The following TWNK variants were observed in gnomAD, a reference collection of about 807,000 sequenced individuals.
The protein encoded by TWNK is twinkle mtDNA helicase.
TWNK carries 36 observed loss-of-function variants against 58.2 expected under a neutral mutation model. The ratio of observed to expected loss-of-function variants is 0.62; its 90% CI spans 0.47 to 0.82. The LOEUF (loss-of-function observed/expected upper bound fraction) is 0.82. Among genes scored for constraint, TWNK ranks in the 40% least tolerant of loss-of-function variants. TWNK has a pLI of 0.00. For missense variants in TWNK, 714 were observed against 881.0 expected (o/e 0.81, Z 2.40); for synonymous variants, 349 against 348.5 (o/e 1.00, Z -0.02).
At position 100,987,564 on chromosome 10, in the gene TWNK, A is replaced by G. The variant is rs1160053758; in HGVS notation, c.-647A>G. Reference sequence around the variant, plus strand: ...TTTTGCTTCCGAGGTCAAGGCGAGTAGCATGTGCGGGAGACTCACGTTGCC... The same window carrying G: ...TTTTGCTTCCGAGGTCAAGGCGAGTGGCATGTGCGGGAGACTCACGTTGCC... On this transcript the variant is annotated 5_prime_UTR_variant, in exon 1 of 5. Transcript: ENST00000311916. 6 of 1,416,556 alleles carry G rather than the reference A, an allele frequency of 4.2e-6. No homozygotes were observed. The highest frequency in any genetic ancestry group is 5.6e-6 in the Non-Finnish European group (6 of 1,067,158). 87.7% of individuals were successfully genotyped at this position (1,416,556 alleles called of 1,614,324 possible).
Position 100,988,260 on chromosome 10 carries a change from T to C in TWNK, c.50T>C (p.Leu17Pro), listed in dbSNP as rs761301681. 4 of 1,614,104 alleles carry C rather than the reference T, an allele frequency of 2.5e-6. No individual in the cohort carries two copies. Among genetic ancestry groups the C allele is most frequent in the Non-Finnish European group, 3.4e-6 (4 of 1,180,028 alleles). The change falls in exon 1 of 5, where the codon CTG becomes CCG. Residue 17 changes from leucine to proline, a missense_variant. Coordinates refer to ENST00000311916, the MANE Select transcript of TWNK (RefSeq NM_021830.5). The surrounding 1 kb of genome is among the most constrained non-coding windows in gnomAD (Gnocchi z 5.2). ...TACCCCCTCCGTATCTTGTTACCCCTGCGTGGGGAGTGGATGGGTCGGAGG... is the reference window on the plus strand; with the variant it reads ...TACCCCCTCCGTATCTTGTTACCCCCGCGTGGGGAGTGGATGGGTCGGAGG... Reference protein sequence around the residue: ...SGYPLRILLPLRGEWMGRRGL... With the variant: ...SGYPLRILLPPRGEWMGRRGL...
chr10:100,991,371 T>C (rs889273595), intron 4 of TWNK: 1 of 357,006 alleles, frequency 2.8e-6, no homozygotes, highest in African/African-American at 2.1e-5. Flanking sequence ...ACAACAAAGG[T>C]TGGGTTGAGG....
chr10:100,993,162 T>G, intron 4 of TWNK, 28 bp from the exon 5 acceptor site: 1 of 1,612,848 alleles, frequency 6.2e-7, no homozygotes, highest in Non-Finnish European at 8.5e-7. Context: ...TTACTCCTGC[T>G]TTCCTCCTTC....
Position 100,987,638 on chromosome 10 carries a change from C to T in TWNK, c.-573C>T, listed in dbSNP as rs554059745. On this transcript the variant is annotated 5_prime_UTR_variant, in exon 1 of 5. Transcript: ENST00000311916. ...GGTAACCTGGGGCTGGGGGCCGGCG[C>T]GGCGGAGCTCGGAGTAGTAGAGCGG... 4.2e-6 allele frequency: 3 copies of T among 722,048 alleles called. No individual in the cohort carries two copies. The highest frequency in any genetic ancestry group is 2.9e-5 in the Admixed American group (1 of 34,240). 44.7% of individuals were successfully genotyped at this position (722,048 alleles called of 1,614,324 possible). A position where few individuals can be genotyped will look rare whatever the true frequency, so the allele number is the denominator to read the frequency against.
At chr10:100,992,418 TG>T (rs1160957308) in intron 4 of TWNK, among the ~76,000 whole-genome samples, 3 of 148,746 alleles carry the variant, frequency 2.0e-5, no homozygotes, top group African/African-American at 4.9e-5. Flanking sequence ...AGTTTCACCG[TG>T]TTAGCCAGGA....
chr10:100,988,240 C>G lies in TWNK; in HGVS notation c.30C>G (p.Pro10=), dbSNP rs759909116. MWVLLRSGY[P]LRILLPLRGE... The stretch of plus-strand genomic sequence containing the variant: ...GGGTCCTCCTCCGAAGTGGGTACCC[C>G]CTCCGTATCTTGTTACCCCTGCGTG... Residue 10 remains proline, a synonymous_variant, in exon 1 of 5, where the codon CCC becomes CCG. Coordinates refer to ENST00000311916, the MANE Select transcript of TWNK (RefSeq NM_021830.5). The surrounding 1 kb of genome is among the most constrained non-coding windows in gnomAD (Gnocchi z 5.2). The G allele has an allele frequency of 1.7e-5, 28 of 1,614,084 alleles. 1 individual carries two copies. In the South Asian group the frequency reaches 2.1e-4, roughly 12 times the overall value.
rs1851733857 is a variant in TWNK at position 100,990,338 on chromosome 10, G to A, written c.1485-98G>A. On this transcript the variant is annotated intron_variant, in intron 2 of 4. Coordinates refer to ENST00000311916, the MANE Select transcript of TWNK (RefSeq NM_021830.5). ...AAATAATAGTAATAATAATAGAAGG[G>A]CAGAGGAGGCAGCCAAGAGAGTTTT... is the stretch of plus-strand genomic sequence containing the variant. 5.8e-6 allele frequency: 5 copies of A among 860,642 alleles called. No homozygotes were observed. In the Admixed American group the frequency reaches 6.8e-5, roughly 12 times the overall value. The allele number at this position is 860,642 out of a possible 1,614,324, so 53.3% of individuals were successfully genotyped here. A position where few individuals can be genotyped will look rare whatever the true frequency, so the allele number is the denominator to read the frequency against.
chr10:100,991,275 A>G (rs572638927), intron 4 of TWNK: 2 of 542,980 alleles, frequency 3.7e-6, no homozygotes, highest in East Asian at 6.4e-5. Context: ...TGATAAGAGT[A>G]TGATAGGCAG....
rs1351716953 is a variant in TWNK, at chr10:100,987,933, A to T, written c.-278A>T. 1 of 618,978 alleles carries T rather than the reference A, an allele frequency of 1.6e-6. No homozygotes were observed. The highest frequency in any genetic ancestry group is 1.8e-5 in the African/African-American group (1 of 54,376). The allele number at this position is 618,978 out of a possible 1,614,324, so 38.3% of individuals were successfully genotyped here. On this transcript the variant is annotated 5_prime_UTR_variant, in exon 1 of 5. Coordinates refer to ENST00000311916, the MANE Select transcript of TWNK (RefSeq NM_021830.5). ...TCAGTGAGGAACTGTATAGAGGGTC[A>T]TAGAGGTGAGGTGGCGGAGAGAAAC...
At position 100,988,681 on chromosome 10, in the gene TWNK, C is replaced by G; in HGVS notation, c.471C>G (p.Ile157Met). The change falls in exon 1 of 5, where the codon ATC (isoleucine) becomes ATG (methionine). Residue 157 changes from isoleucine to methionine, a missense_variant. Physicochemically the swap from Ile to Met is conservative, Grantham distance 10 (BLOSUM62 1). Around this residue, in one of 3 missense-constraint regions of TWNK, gnomAD observed 348 missense variants for 388.4 expected, o/e 0.90. Coordinates refer to ENST00000311916, the MANE Select transcript of TWNK (RefSeq NM_021830.5). The surrounding 1 kb of genome is among the most constrained non-coding windows in gnomAD (Gnocchi z 5.2). ...AGGACAGCGAGGAGGTCCGGAGGAT[C>G]TGGAACCGAGCAATACCTCTCTGGG... ...EFEDSEEVRR[I>M]WNRAIPLWEL... The G allele has an allele frequency of 1.2e-6, 2 of 1,614,138 alleles. 1 individual carries two copies. Among genetic ancestry groups the G allele is most frequent in the Non-Finnish European group, 1.7e-6 (2 of 1,180,014 alleles).
rs781652026 is a variant in TWNK, at chr10:100,989,789, G to T, written c.1389G>T (p.Arg463=). ...RVMLTQFAEG[R]LEDQLDKYDH... ...TGCTGACACAGTTTGCCGAGGGGCG[G>T]CTGGAAGATCAACTGGACAAATATG... The change falls in exon 2 of 5, where the codon CGG becomes CGT. Residue 463 remains arginine, a synonymous_variant. Coordinates refer to ENST00000311916, the MANE Select transcript of TWNK (RefSeq NM_021830.5). The surrounding 1 kb of genome is among the most constrained non-coding windows in gnomAD (Gnocchi z 7.6). 1 of 1,614,234 alleles carries T rather than the reference G, an allele frequency of 6.2e-7. No individual in the cohort carries two copies. Among genetic ancestry groups the T allele is most frequent in the Admixed American group, 1.7e-5 (1 of 60,026 alleles).
chr10:100,988,792 T>C lies in TWNK; in HGVS notation c.582T>C (p.Ser194=). The C allele has an allele frequency of 6.2e-7, 1 of 1,614,132 alleles. No homozygotes were observed. The highest frequency in any genetic ancestry group is 8.5e-7 in the Non-Finnish European group (1 of 1,180,016). ...CAGATGACACACTCAAGCGTTTCAGTGTGCGATATCTGCGACCTGCTCGCA... is the reference window on the plus strand; with the variant it reads ...CAGATGACACACTCAAGCGTTTCAGCGTGCGATATCTGCGACCTGCTCGCA... The part of the protein sequence containing the change: ...KVTDDTLKRF[S]VRYLRPARSL... Residue 194 remains serine, a synonymous_variant, in exon 1 of 5, where the codon AGT becomes AGC. Transcript: ENST00000311916. This position sits in a 1 kb window ranked among gnomAD's most constrained non-coding sequence, Gnocchi z 5.2.
rs1220516083 is a variant in TWNK, at chr10:100,987,768, G to A, written c.-443G>A. The A allele has an allele frequency of 2.4e-5, 14 of 583,072 alleles. No individual in the cohort carries two copies. The highest frequency in any genetic ancestry group is 3.3e-5 in the Non-Finnish European group (11 of 330,468). 36.1% of individuals were successfully genotyped at this position (583,072 alleles called of 1,614,324 possible). ...CGTGTTGAGGTCCCAGTGAGGGGAAGGAGAAGCGGAAGAGGGTCTCTAGTC... is the reference window on the plus strand; with the variant it reads ...CGTGTTGAGGTCCCAGTGAGGGGAAAGAGAAGCGGAAGAGGGTCTCTAGTC... On this transcript the variant is annotated 5_prime_UTR_variant, in exon 1 of 5. Transcript: ENST00000311916.
chr10:100,989,878 G>C lies in TWNK; in HGVS notation c.1478G>C (p.Ser493Thr), dbSNP rs1377656240. ...TTCATGACTTTCCATGGACAGCAAA[G>C]CATCAGGTGAGACTCCCAGATTCCA... is the stretch of plus-strand genomic sequence containing the variant. ...LYFMTFHGQQSIRTVIDTMQH... is the reference protein window; with the variant it reads ...LYFMTFHGQQTIRTVIDTMQH... Residue 493 changes from serine (S) to threonine (T), a missense_variant, in exon 2 of 5, where the codon AGC becomes ACC. Physicochemically the swap from Ser to Thr is moderately conservative, Grantham distance 58. This residue lies in a region of TWNK where 302 missense variants were observed against 438.6 expected (regional missense o/e 0.69). Coordinates refer to ENST00000311916, the MANE Select transcript of TWNK (RefSeq NM_021830.5). The surrounding 1 kb of genome is among the most constrained non-coding windows in gnomAD (Gnocchi z 7.6). 4 of 1,614,070 alleles carry C rather than the reference G, an allele frequency of 2.5e-6. No homozygotes were observed. The highest frequency in any genetic ancestry group is 2.5e-6 in the Non-Finnish European group (3 of 1,180,042).
At position 100,993,581 on chromosome 10, in the gene TWNK, C is replaced by T; in HGVS notation, c.*71C>T. On this transcript the variant is annotated 3_prime_UTR_variant, in exon 5 of 5. Transcript: ENST00000311916. ...TGGAGCATAAAACTCTGCAAGGGCT[C>T]CTCTATCCTGTGGTCCTGAGCTGTG... 5 of 1,530,550 alleles carry T rather than the reference C, an allele frequency of 3.3e-6. No individual in the cohort carries two copies. The highest frequency in any genetic ancestry group is 2.3e-5 in the South Asian group (2 of 87,000). 94.8% of individuals were successfully genotyped at this position (1,530,550 alleles called of 1,614,324 possible).
chr10:100,993,411 C>T lies in TWNK; in HGVS notation c.1956C>T (p.Pro652=). The part of the protein sequence containing the change: ...KDDTGPVAKK[P]SSGKKGATTQ... The stretch of plus-strand genomic sequence containing the variant: ...ACACTGGACCAGTGGCCAAAAAGCC[C>T]TCTTCTGGCAAAAAGGGGGCTACGA... The change falls in exon 5 of 5, where the codon CCC becomes CCT. Residue 652 remains proline, a synonymous_variant. Coordinates refer to ENST00000311916, the MANE Select transcript of TWNK (RefSeq NM_021830.5). 6.2e-7 allele frequency: 1 copy of T among 1,614,190 alleles called. No homozygotes were observed. The highest frequency in any genetic ancestry group is 2.2e-5 in the East Asian group (1 of 44,888).
At position 100,993,425 on chromosome 10, in the gene TWNK, A is replaced by G; in HGVS notation, c.1970A>G (p.Lys657Arg). ...GCCAAAAAGCCCTCTTCTGGCAAAA[A>G]GGGGGCTACGACACAGAACTCTGAG... ...PVAKKPSSGKKGATTQNSEIC... is the reference protein window; with the variant it reads ...PVAKKPSSGKRGATTQNSEIC... Residue 657 changes from lysine (K) to arginine (R), a missense_variant, in exon 5 of 5, where the codon AAG becomes AGG. Physicochemically the swap from Lys to Arg is conservative, Grantham distance 26. Transcript: ENST00000311916. The G allele has an allele frequency of 6.2e-7, 1 of 1,614,214 alleles. No homozygotes were observed.
intron 2 of TWNK, 142 bp downstream of exon 2, chr10:100,990,026 G>A: frequency 8.4e-7 from 1 of 1,187,840 alleles, no homozygotes. Flanking sequence ...GGGCAGGGCT[G>A]GACACACTGG....
intron 4 of TWNK, among the ~76,000 whole-genome samples, 159 bp from the exon 5 acceptor site, chr10:100,993,031 T>G (rs529442123): frequency 6.6e-6 from 1 of 151,996 alleles, no homozygotes; most frequent in African/African-American, 2.4e-5. Flanking sequence ...CGTGATCCAC[T>G]CGACTCGGCC....
Sources: gnomAD v4.1 joint callset for allele counts (sites outside exome capture counted in the v4.1 genomes callset) on GRCh38, gnomAD v4.1.1 for gene constraint, gnomAD v4.1.1 regional missense constraint, Gnocchi (gnomAD v3.1) non-coding constraint, MANE v1.5 for transcripts, NCBI Gene and HGNC (gene_info 2026-07-23, HGNC 2026-07-21) for gene names.